The following POLR3B variants were observed in gnomAD, a reference collection of about 807,000 sequenced individuals.
POLR3B encodes the protein RNA polymerase III subunit B.
A neutral mutation model predicts 147.4 loss-of-function variants in POLR3B; 96 were observed. That is an observed-to-expected ratio of 0.65 (90% confidence interval 0.55 to 0.77). The LOEUF (loss-of-function observed/expected upper bound fraction) is 0.77. Ranked by LOEUF, POLR3B falls within the 30% of genes least tolerant of loss-of-function variation. The probability of loss-of-function intolerance (pLI) is 0.00; values close to 1 mark genes in which losing one functional copy is unlikely to be tolerated. For missense variants in POLR3B, 1,036 were observed against 1,413.5 expected (o/e 0.73, Z 4.28); for synonymous variants, 461 against 485.9 (o/e 0.95, Z 0.67).
chr12:106,502,600 TC>T (rs1301646253), intron 26 of POLR3B, among the ~76,000 whole-genome samples: 1 of 152,128 alleles, frequency 6.6e-6, no homozygotes, highest in African/African-American at 2.4e-5. Flanking sequence ...ATGAGGCAGC[TC>T]ATGCTTGGGG....
At chr12:106,411,699 C>A (rs2136938130) in intron 12 of POLR3B, among the ~76,000 whole-genome samples, 1 of 152,210 alleles carries the variant, frequency 6.6e-6, no homozygotes, top group African/African-American at 2.4e-5. Context: ...AGGAAACAAT[C>A]CGCTGATTGT....
Position 106,482,945 on chromosome 12 carries a change from T to C in POLR3B, c.2714-13110T>C, listed in dbSNP as rs144375307. Among the ~76,000 whole-genome samples, 638 of 152,270 alleles carry C rather than the reference T, an allele frequency of 4.2e-3. 3 individuals carry two copies. The highest frequency in any genetic ancestry group is 0.014 in the African/African-American group (568 of 41,546). On this transcript the variant is annotated intron_variant, in intron 23 of 27. Transcript: ENST00000228347. ...TAGTAAATATCAGAAATGAGATGCC[T>C]CATTTTTATCTAAACTGGCACCAGG...
intron 9 of POLR3B, 94 bp downstream of exon 9, chr12:106,380,233 G>A (rs192042845): frequency 1.8e-4 from 134 of 752,484 alleles, no homozygotes; most frequent in Non-Finnish European, 3.7e-5. Context: ...GGAATTCTTG[G>A]AATAGAAAGA....
At position 106,454,661 on chromosome 12, in the gene POLR3B, G is replaced by A; in HGVS notation, c.2243G>A (p.Gly748Asp). Residue 748 changes from glycine to aspartate, a missense_variant, in exon 20 of 28, where the codon GGC (glycine) becomes GAC (aspartate). By Grantham distance (94) the Gly-to-Asp change is moderately conservative. Transcript: ENST00000228347. ...NATVAVMSYS[G>D]YDIEDALVLN... ...ACAGTTGCTGTGATGAGCTATAGTG[G>A]CTATGATATTGAAGATGCTCTTGTT... 1 of 1,612,364 alleles carries A rather than the reference G, an allele frequency of 6.2e-7. No individual in the cohort carries two copies. The highest frequency in any genetic ancestry group is 8.5e-7 in the Non-Finnish European group (1 of 1,178,544).
Position 106,379,931 on chromosome 12 carries a change from T to C in POLR3B, c.615-100T>C, listed in dbSNP as rs76045533. The C allele has an allele frequency of 2.1e-3, 1,574 of 737,112 alleles. 22 individuals are homozygous for C. The African/African-American group carries it at 0.024, about 11-fold the overall frequency. 45.7% of individuals were successfully genotyped at this position (737,112 alleles called of 1,614,324 possible). On this transcript the variant is annotated intron_variant, in intron 8 of 27. Coordinates refer to ENST00000228347, the MANE Select transcript of POLR3B (RefSeq NM_018082.6). ...GAAAGGACCTTGTGATTGTTGTTGA[T>C]CAGTTGACCCTTATTGATTAATGAT...
At chr12:106,370,804 G>C (rs1022198844) in intron 6 of POLR3B, among the ~76,000 whole-genome samples, 2 of 151,884 alleles carry the variant, frequency 1.3e-5, no homozygotes, top group African/African-American at 4.8e-5. Context: ...GCTAATTTTT[G>C]TATTTTTTGT....
At chr12:106,401,577 A>G (rs2037067600) in intron 10 of POLR3B, among the ~76,000 whole-genome samples, 2 of 152,218 alleles carry the variant, frequency 1.3e-5, no homozygotes, top group Non-Finnish European at 2.9e-5. Context: ...AATACTGGCA[A>G]ACCGAATCCA....
chr12:106,415,801 C>G (rs139616507), intron 12 of POLR3B, among the ~76,000 whole-genome samples: 2 of 152,124 alleles, frequency 1.3e-5, no homozygotes, highest in Non-Finnish European at 2.9e-5. Flanking sequence ...AATAGCATAG[C>G]AAAAAGAATT....
At chr12:106,397,536 T>C (rs1182409627) in intron 10 of POLR3B, among the ~76,000 whole-genome samples, 1 of 152,222 alleles carries the variant, frequency 6.6e-6, no homozygotes, top group Non-Finnish European at 1.5e-5. Flanking sequence ...TTTTGCACCA[T>C]AGATTAGTTT....
intron 23 of POLR3B, among the ~76,000 whole-genome samples, chr12:106,487,974 T>C (rs565388423): frequency 6.6e-6 from 1 of 152,268 alleles, no homozygotes; most frequent in South Asian, 2.1e-4. Context: ...AAATGTTTTA[T>C]CAGATACAGA....
chr12:106,459,416 A>C (rs776945705), intron 22 of POLR3B, 48 bp downstream of exon 22: 2 of 1,037,846 alleles, frequency 1.9e-6, no homozygotes, highest in East Asian at 4.7e-5. Context: ...TTAGAAAAAG[A>C]GAAGAAATGG....
At chr12:106,403,779 G>A (rs552064971) in intron 10 of POLR3B, among the ~76,000 whole-genome samples, 1 of 138,292 alleles carries the variant, frequency 7.2e-6, no homozygotes, top group Admixed American at 7.6e-5. Context: ...ATGGACACGG[G>A]GTGGGGAACA....
chr12:106,496,465 T>A (rs1026257963), intron 24 of POLR3B: 1 of 597,074 alleles, frequency 1.7e-6, no homozygotes, highest in African/African-American at 1.9e-5. Flanking sequence ...AGTGATTATT[T>A]TTAGTGATCC....
intron 23 of POLR3B, among the ~76,000 whole-genome samples, chr12:106,477,891 CTTTTTTTTTTTTTT>C (rs34915594): frequency 1.4e-5 from 1 of 70,548 alleles, no homozygotes; most frequent in African/African-American, 5.5e-5. Flanking sequence ...GGCTCCTCCC[CTTTTTTTTTTTTTT>C]TTTTTTTTTT....
chr12:106,485,455 G>A (rs2038324138), intron 23 of POLR3B, among the ~76,000 whole-genome samples: 1 of 152,150 alleles, frequency 6.6e-6, no homozygotes, highest in Non-Finnish European at 1.5e-5. Context: ...AAAGTGGATT[G>A]GAACGGGCAA....
chr12:106,372,620 C>G (rs1189259896), intron 6 of POLR3B, among the ~76,000 whole-genome samples: 1 of 152,062 alleles, frequency 6.6e-6, no homozygotes, highest in East Asian at 1.9e-4. Flanking sequence ...AGATTACAAG[C>G]ACGAACTACC....
intron 9 of POLR3B, among the ~76,000 whole-genome samples, chr12:106,383,640 G>A (rs2036794872): frequency 6.6e-6 from 1 of 152,044 alleles, no homozygotes; most frequent in Non-Finnish European, 1.5e-5. Context: ...CATCTCTTAC[G>A]AGCACGGTTT....
At chr12:106,446,523 G>A (rs2037727425) in intron 19 of POLR3B, among the ~76,000 whole-genome samples, 1 of 151,810 alleles carries the variant, frequency 6.6e-6, no homozygotes, top group South Asian at 2.1e-4. Context: ...AGTGTGTACA[G>A]AAAGCCAGTT....
intron 10 of POLR3B, among the ~76,000 whole-genome samples, chr12:106,397,432 AT>A (rs1205098661): frequency 6.6e-6 from 1 of 151,880 alleles, no homozygotes. Context: ...CTACTCTCTG[AT>A]TTTTTTCCCC....
Sources: gnomAD v4.1 joint callset for allele counts (sites outside exome capture counted in the v4.1 genomes callset) on GRCh38, gnomAD v4.1.1 for gene constraint, MANE v1.5 for transcripts, NCBI Gene and HGNC (gene_info 2026-07-23, HGNC 2026-07-21) for gene names.